The following CHN1 variants were observed in gnomAD, a reference collection of about 807,000 sequenced individuals.
CHN1 encodes chimerin 1.
A neutral mutation model predicts 59.5 loss-of-function variants in CHN1; 37 were observed. The ratio of observed to expected loss-of-function variants is 0.62; its 90% CI spans 0.48 to 0.82. The LOEUF (loss-of-function observed/expected upper bound fraction) is 0.82. CHN1 is among the 40% of genes least tolerant of loss of function. The pLI is 0.00. For synonymous variants in CHN1, 206 were observed against 200.4 expected, an observed-to-expected ratio of 1.03 and a Z score of -0.24; for missense variants, 469 against 571.0, an observed-to-expected ratio of 0.82 and a Z score of 1.82.
intron 1 of CHN1, among the ~76,000 whole-genome samples, chr2:174,999,060 CTTTT>C (rs570472669): frequency 6.6e-6 from 1 of 151,796 alleles, no homozygotes; most frequent in South Asian, 2.1e-4. Flanking sequence ...TTTTGTCAGG[CTTTT>C]TTTTCTATTC....
intron 11 of CHN1, among the ~76,000 whole-genome samples, chr2:174,808,100 ACTT>A (rs1309567943): frequency 6.6e-6 from 1 of 152,206 alleles, no homozygotes; most frequent in Non-Finnish European, 1.5e-5. Context: ...ATTTACAAAA[ACTT>A]CTTGATATAA....
intron 3 of CHN1, among the ~76,000 whole-genome samples, chr2:174,944,335 C>G (rs374420033): frequency 2.1e-4 from 32 of 152,290 alleles, no homozygotes; most frequent in African/African-American, 7.7e-4. Flanking sequence ...TGTTTCCTCA[C>G]AGGCTTGCCA....
chr2:174,812,319 A>G lies in CHN1; in HGVS notation c.876T>C (p.Ile292=). The change falls in exon 9 of 13, where the codon ATT becomes ATC. Residue 292 remains isoleucine, a synonymous_variant. Transcript: ENST00000409900. ...PMVVDMCIRE[I]ESRGLNSEGL... ...CTGCAAATGGCTCACCTCTAGACTC[A>G]ATCTCCCTGATGCACATGTCTACCA... 6.2e-7 allele frequency: 1 copy of G among 1,612,504 alleles called. No homozygotes were observed. Among genetic ancestry groups the G allele is most frequent in the South Asian group, 1.1e-5 (1 of 90,926 alleles).
At chr2:174,912,764 T>C (rs1574156895) in intron 5 of CHN1, among the ~76,000 whole-genome samples, 1 of 152,276 alleles carries the variant, frequency 6.6e-6, no homozygotes, top group African/African-American at 2.4e-5. Flanking sequence ...ACAAGGAAAA[T>C]GTCAATCATA....
In CHN1 at chr2:174,944,933, T is replaced by C. The variant is rs1689781318; in HGVS notation, c.69A>G (p.Leu23=). The C allele has an allele frequency of 1.3e-6, 2 of 1,575,602 alleles. No homozygotes were observed. The highest frequency in any genetic ancestry group is 2.3e-5 in the South Asian group (2 of 85,680). Residue 23 remains leucine (L), a synonymous_variant, in exon 3 of 13, where the codon CTA becomes CTG. Transcript: ENST00000409900. ...PPVWKSYLYQ[L]QQEAPHPRRI... is the part of the protein sequence containing the mutation. ...TTCGAGGATGAGGGGCTTCCTGTTG[T>C]AGCTGATATACTGTGAGAAGGTAGA...
chr2:174,847,497 CTTCTCTA>C (rs1232542782), intron 6 of CHN1: 1 of 1,180,364 alleles, frequency 8.5e-7, no homozygotes, highest in Non-Finnish European at 1.1e-6. Context: ...TAAAAGCTTT[CTTCTCTA>C]TTCAAGATAT....
chr2:174,948,798 CTAAT>C (rs1689926580), intron 2 of CHN1, among the ~76,000 whole-genome samples: 2 of 152,188 alleles, frequency 1.3e-5, no homozygotes, highest in Admixed American at 6.5e-5. Context: ...ATTGACATAC[CTAAT>C]TATTTTTAAA....
chr2:174,986,478 T>C (rs894833969), intron 1 of CHN1, among the ~76,000 whole-genome samples: 7 of 152,100 alleles, frequency 4.6e-5, no homozygotes, highest in African/African-American at 1.4e-4. Context: ...ACAAGACTAA[T>C]ACGAAAGAAA....
At chr2:174,803,967 A>G (rs1229963632) in intron 11 of CHN1, among the ~76,000 whole-genome samples, 1 of 152,208 alleles carries the variant, frequency 6.6e-6, no homozygotes, top group Non-Finnish European at 1.5e-5. Context: ...GAACTGTGAG[A>G]TAGTGTTGTC....
At chr2:174,842,965 G>C (rs1686365224) in intron 7 of CHN1, among the ~76,000 whole-genome samples, 1 of 152,078 alleles carries the variant, frequency 6.6e-6, no homozygotes, top group African/African-American at 2.4e-5. Context: ...ACTAATTCAA[G>C]ACTACCTTAA....
intron 7 of CHN1, among the ~76,000 whole-genome samples, chr2:174,834,470 TTTTG>T (rs144228949): frequency 1.2e-4 from 19 of 152,312 alleles, no homozygotes; most frequent in South Asian, 6.2e-4. Context: ...TTCACTCAGC[TTTTG>T]TTTGTTTAAA....
intron 7 of CHN1, among the ~76,000 whole-genome samples, chr2:174,843,825 G>T (rs1283045587): frequency 6.6e-6 from 1 of 152,116 alleles, no homozygotes; most frequent in African/African-American, 2.4e-5. Context: ...CCAAGGTGGT[G>T]CATATAATAA....
intron 7 of CHN1, among the ~76,000 whole-genome samples, chr2:174,829,506 G>A (rs1041756490): frequency 1.1e-4 from 17 of 152,238 alleles, no homozygotes; most frequent in African/African-American, 4.1e-4. Flanking sequence ...TTGAAAGCCA[G>A]TAACAGAAAC....
intron 3 of CHN1, among the ~76,000 whole-genome samples, chr2:174,927,700 AT>A (rs1280428078): frequency 6.6e-6 from 1 of 152,240 alleles, no homozygotes; most frequent in Non-Finnish European, 1.5e-5. Context: ...CATTTATAAA[AT>A]TTCAAAAATG....
intron 5 of CHN1, among the ~76,000 whole-genome samples, chr2:174,895,196 G>GTATATATATA (rs200124327): frequency 1.0e-4 from 14 of 138,004 alleles, no homozygotes; most frequent in African/African-American, 2.7e-4. Flanking sequence ...ATGTGTGTGT[G>GTATATATATA]TGTATATATA....
chr2:174,807,421 G>C (rs979752628), intron 11 of CHN1, among the ~76,000 whole-genome samples: 1 of 146,750 alleles, frequency 6.8e-6, no homozygotes, highest in Admixed American at 6.9e-5. Context: ...GCATACTGTG[G>C]ACTAGGCAGC....
At chr2:174,869,044 A>G (rs770616759) in intron 6 of CHN1, among the ~76,000 whole-genome samples, 5 of 152,136 alleles carry the variant, frequency 3.3e-5, no homozygotes, top group Non-Finnish European at 1.5e-5. Context: ...CAGGCCAGAG[A>G]GGAAGAGCAA....
intron 5 of CHN1, among the ~76,000 whole-genome samples, chr2:174,906,745 G>A (rs1245004290): frequency 6.6e-6 from 1 of 152,190 alleles, no homozygotes; most frequent in East Asian, 1.9e-4. Flanking sequence ...TGTTTGAATA[G>A]AAGGCAGTCT....
intron 1 of CHN1, among the ~76,000 whole-genome samples, chr2:174,988,731 G>A (rs909077126): frequency 2.6e-5 from 4 of 152,230 alleles, no homozygotes; most frequent in Non-Finnish European, 4.4e-5. Context: ...AATAAATACA[G>A]TATGAAATAT....
Sources: allele counts gnomAD v4.1 joint callset (sites outside exome capture counted in the v4.1 genomes callset), GRCh38; gene constraint gnomAD v4.1.1; transcripts MANE v1.5; gene names NCBI Gene and HGNC (gene_info 2026-07-23, HGNC 2026-07-21).